The following IWS1 variants were observed in gnomAD, a reference collection of about 807,000 sequenced individuals.
The protein encoded by IWS1 is protein IWS1 homolog.
A neutral mutation model predicts 86.7 loss-of-function variants in IWS1; 27 were observed. The observed-to-expected ratio is 0.31, with a 90% CI of 0.23 to 0.43. The LOEUF (loss-of-function observed/expected upper bound fraction) is 0.43, where lower values mean the gene tolerates loss of function less well. Among genes scored for constraint, IWS1 ranks in the 20% least tolerant of loss-of-function variants. IWS1 has a pLI of 1.00. For missense variants in IWS1, 827 were observed against 1,000.8 expected, an observed-to-expected ratio of 0.83 and a Z score of 2.34; for synonymous variants, 313 against 335.1, an observed-to-expected ratio of 0.93 and a Z score of 0.72.
intron 13 of IWS1, chr2:127,482,725 T>C (rs1689698044): frequency 6.6e-6 from 1 of 152,158 alleles, no homozygotes; most frequent in Non-Finnish European, 1.5e-5. Flanking sequence ...GGTTACAAAA[T>C]ATATGACTGG....
chr2:127,505,462 T>C lies in IWS1; in HGVS notation c.441A>G (p.Glu147=). 1.2e-6 allele frequency: 2 copies of C among 1,614,180 alleles called. No individual in the cohort carries two copies. Among genetic ancestry groups the C allele is most frequent in the Non-Finnish European group, 1.7e-6 (2 of 1,180,016 alleles). Residue 147 remains glutamate (E), a synonymous_variant, in exon 3 of 14, where the codon GAA becomes GAG. Transcript: ENST00000295321. The surrounding 1 kb of genome is among the most constrained non-coding windows in gnomAD (Gnocchi z 5.0). The part of the protein sequence containing the change: ...ELLNGHASDS[E]NEDVGKHPAS... ...CGGGATGCTTCCCAACATCTTCGTTTTCTGAGTCACTTGCATGCCCATTAA... is the reference window on the plus strand; with the variant it reads ...CGGGATGCTTCCCAACATCTTCGTTCTCTGAGTCACTTGCATGCCCATTAA...
chr2:127,485,900 C>G (rs2105022002), intron 13 of IWS1: 1 of 153,010 alleles, frequency 6.5e-6, no homozygotes, highest in African/African-American at 2.4e-5. Flanking sequence ...CTGGTAGGGC[C>G]AGGCCTATAG....
Position 127,503,428 on chromosome 2 carries a change from C to G in IWS1, c.1368G>C (p.Lys456Asn). The G allele has an allele frequency of 1.2e-6, 2 of 1,613,252 alleles. No homozygotes were observed. The highest frequency in any genetic ancestry group is 1.7e-6 in the Non-Finnish European group (2 of 1,179,636). ...KELSDKKNEE[K>N]DLFGSDSESG... ...ACTCACTGTCACTCCCAAACAGATC[C>G]TTCTCTTCATTTTTCTTATCAGACA... The change falls in exon 4 of 14, where the codon AAG becomes AAC. Residue 456 changes from lysine to asparagine, a missense_variant. Transcript: ENST00000295321.
intron 13 of IWS1, chr2:127,486,317 C>A: frequency 2.9e-6 from 1 of 350,130 alleles, no homozygotes; most frequent in Non-Finnish European, 5.4e-6. Flanking sequence ...ACTTCCCTAC[C>A]TGATAATGTT....
intron 2 of IWS1, among the ~76,000 whole-genome samples, chr2:127,520,793 G>T (rs1394381637): frequency 6.6e-6 from 1 of 152,198 alleles, no homozygotes; most frequent in South Asian, 2.1e-4. Context: ...AATCTTCAGG[G>T]CAGCTTCAGT....
chr2:127,485,748 G>A (rs1335766908), intron 13 of IWS1: 3 of 152,002 alleles, frequency 2.0e-5, no homozygotes, highest in South Asian at 4.1e-4. Context: ...TGCCTGTTAG[G>A]GTCATTATTT....
chr2:127,502,931 C>T (rs914860126), intron 4 of IWS1, 59 bp from the exon 5 acceptor site: 3 of 961,938 alleles, frequency 3.1e-6, no homozygotes, highest in African/African-American at 3.3e-5. Flanking sequence ...GCATAGGAAC[C>T]ATTTTTTAAA....
chr2:127,512,818 A>G (rs1691545391), intron 2 of IWS1, among the ~76,000 whole-genome samples: 1 of 152,250 alleles, frequency 6.6e-6, no homozygotes, highest in South Asian at 2.1e-4. Context: ...TTAAGTTTGC[A>G]TTGCTATGCC....
chr2:127,498,023 G>T (rs1302878136), intron 6 of IWS1, 117 bp downstream of exon 6: 2 of 716,810 alleles, frequency 2.8e-6, no homozygotes, highest in Non-Finnish European at 4.7e-6. Context: ...AGAAAAACAG[G>T]AATAGACCCA....
At chr2:127,496,452 C>G (rs1449858206) in intron 6 of IWS1, among the ~76,000 whole-genome samples, 1 of 151,882 alleles carries the variant, frequency 6.6e-6, no homozygotes, top group Non-Finnish European at 1.5e-5. Flanking sequence ...ACAGTAATGT[C>G]CCAGGCCTTC....
At chr2:127,502,916 C>A (rs936030261) in intron 4 of IWS1, 44 bp from the exon 5 acceptor site, 1 of 1,094,010 alleles carries the variant, frequency 9.1e-7, no homozygotes, top group Non-Finnish European at 1.4e-6. Context: ...GCTTTATCCT[C>A]ATTTGCATAG....
chr2:127,513,337 G>C (rs987762331), intron 2 of IWS1, among the ~76,000 whole-genome samples: 1 of 152,174 alleles, frequency 6.6e-6, no homozygotes, highest in Non-Finnish European at 1.5e-5. Flanking sequence ...CAACTATCCA[G>C]GCTGCACATG....
chr2:127,507,504 C>T (rs550502973), intron 2 of IWS1, among the ~76,000 whole-genome samples: 189 of 152,152 alleles, frequency 1.2e-3, no homozygotes, highest in Non-Finnish European at 2.2e-3. Context: ...GTCACAAGCT[C>T]TATTATCCCA....
At position 127,489,085 on chromosome 2, in the gene IWS1, G is replaced by A; in HGVS notation, c.2216+94C>T. On this transcript the variant is annotated intron_variant, in intron 12 of 13. Transcript: ENST00000295321. This position sits in a 1 kb window ranked among gnomAD's most constrained non-coding sequence, Gnocchi z 4.8. ...AATGAAAGTCACCTCCCACAAATGA[G>A]AGCATAACATCATTTCATTTACTAC... 1 of 852,940 alleles carries A rather than the reference G, an allele frequency of 1.2e-6. No homozygotes were observed. Among genetic ancestry groups the A allele is most frequent in the Non-Finnish European group, 1.9e-6 (1 of 520,512 alleles). The allele number at this position is 852,940 out of a possible 1,614,324, so 52.8% of individuals were successfully genotyped here.
intron 2 of IWS1, among the ~76,000 whole-genome samples, chr2:127,512,393 G>A (rs1691519188): frequency 6.6e-6 from 1 of 152,174 alleles, no homozygotes; most frequent in East Asian, 1.9e-4. Context: ...CATTTCCAGT[G>A]ATTACTATTC....
At chr2:127,510,714 T>A (rs184916714) in intron 2 of IWS1, among the ~76,000 whole-genome samples, 5 of 152,126 alleles carry the variant, frequency 3.3e-5, no homozygotes, top group Non-Finnish European at 5.9e-5. Flanking sequence ...CTCAAATGCC[T>A]GGCCTCAAGT....
In IWS1 at chr2:127,505,455, C is replaced by T. The variant is rs144797817; in HGVS notation, c.448G>A (p.Asp150Asn). The change falls in exon 3 of 14, where the codon GAT becomes AAT. Residue 150 changes from aspartate to asparagine, a missense_variant. Asp to Asn is a conservative substitution (Grantham distance 23). Around this residue, in one of 2 missense-constraint regions of IWS1, gnomAD observed 548 missense variants for 560.2 expected, o/e 0.98. Coordinates refer to ENST00000295321, the MANE Select transcript of IWS1 (RefSeq NM_017969.3). This position sits in a 1 kb window ranked among gnomAD's most constrained non-coding sequence, Gnocchi z 5.0. ...NGHASDSENEDVGKHPASDSE... is the reference protein window; with the variant it reads ...NGHASDSENENVGKHPASDSE... ...TCACTGGCGGGATGCTTCCCAACAT[C>T]TTCGTTTTCTGAGTCACTTGCATGC... 5 of 1,614,158 alleles carry T rather than the reference C, an allele frequency of 3.1e-6. No homozygotes were observed. The highest frequency in any genetic ancestry group is 3.4e-6 in the Non-Finnish European group (4 of 1,180,036).
intron 2 of IWS1, among the ~76,000 whole-genome samples, chr2:127,515,172 T>C (rs1396783826): frequency 6.6e-6 from 1 of 152,246 alleles, no homozygotes; most frequent in Non-Finnish European, 1.5e-5. Context: ...TTTCAGTGTT[T>C]TCAACCCAAG....
chr2:127,506,772 C>T (rs979378304), intron 2 of IWS1: 1 of 168,300 alleles, frequency 5.9e-6, no homozygotes, highest in Non-Finnish European at 1.5e-5. Flanking sequence ...TCTAACTATA[C>T]CAACACATAA....
Sources: allele counts gnomAD v4.1 joint callset (sites outside exome capture counted in the v4.1 genomes callset), GRCh38; gene constraint gnomAD v4.1.1; regional missense constraint gnomAD v4.1.1; non-coding constraint Gnocchi (gnomAD v3.1); transcripts MANE v1.5; gene names NCBI Gene and HGNC (gene_info 2026-07-23, HGNC 2026-07-21).